The following MANSC1 variants were observed in gnomAD, a reference collection of about 807,000 sequenced individuals.
The protein encoded by MANSC1 is MANSC domain containing 1, also known as MANSC domain-containing protein 1.
Under a neutral mutation model 14.1 loss-of-function variants are expected in MANSC1, and 13 were observed. The observed-to-expected ratio is 0.92, with a 90% CI of 0.60 to 1.46. MANSC1 has a LOEUF of 1.46. Among genes scored for constraint, MANSC1 ranks in the 40% most tolerant of loss-of-function variants. MANSC1 has a pLI of 0.00. For synonymous variants in MANSC1, 227 were observed against 200.7 expected, an observed-to-expected ratio of 1.13 and a Z score of -1.11; for missense variants, 486 against 511.4, an observed-to-expected ratio of 0.95 and a Z score of 0.48.
At chr12:12,344,330 G>C (rs1592036889) in intron 1 of MANSC1, among the ~76,000 whole-genome samples, 1 of 152,112 alleles carries the variant, frequency 6.6e-6, no homozygotes, top group East Asian at 1.9e-4. Context: ...TGCCAAAGGA[G>C]ATTAACATTT....
intron 2 of MANSC1, chr12:12,338,819 T>G: frequency 1.9e-6 from 1 of 515,212 alleles, no homozygotes; most frequent in Non-Finnish European, 3.5e-6. Context: ...CCTCCTAAAG[T>G]CAAAGCCAAA....
intron 3 of MANSC1, among the ~76,000 whole-genome samples, chr12:12,331,746 C>G (rs565278321): frequency 4.7e-4 from 71 of 152,054 alleles, no homozygotes; most frequent in Non-Finnish European, 8.2e-4. Flanking sequence ...GTCTGGTCTC[C>G]GCTCTGAGCA....
At chr12:12,345,915 G>A (rs557112023) in intron 1 of MANSC1, among the ~76,000 whole-genome samples, 3 of 152,310 alleles carry the variant, frequency 2.0e-5, no homozygotes, top group Admixed American at 1.3e-4. Flanking sequence ...AGAAATCAAA[G>A]AGGAGCTAAT....
At chr12:12,344,825 G>A (rs1209923563) in intron 1 of MANSC1, among the ~76,000 whole-genome samples, 1 of 146,120 alleles carries the variant, frequency 6.8e-6, no homozygotes, top group African/African-American at 2.5e-5. Flanking sequence ...CAGACTCCAA[G>A]TTCTTCAGTT....
intron 2 of MANSC1, 166 bp from the exon 3 acceptor site, chr12:12,338,726 C>T (rs2135993130): frequency 3.1e-6 from 2 of 653,002 alleles, no homozygotes; most frequent in Non-Finnish European, 2.6e-6. Flanking sequence ...AGCTTAGTTG[C>T]TTAAGGCAAT....
At chr12:12,339,880 A>G (rs1862911963) in intron 2 of MANSC1, among the ~76,000 whole-genome samples, 1 of 151,876 alleles carries the variant, frequency 6.6e-6, no homozygotes, top group East Asian at 1.9e-4. Context: ...TGGAACAATC[A>G]TGGCTCACTT....
intron 1 of MANSC1, among the ~76,000 whole-genome samples, chr12:12,345,701 G>C (rs1036814537): frequency 2.6e-5 from 4 of 152,184 alleles, no homozygotes; most frequent in Non-Finnish European, 5.9e-5. Flanking sequence ...ATTGTTTGCT[G>C]AATGATAGCT....
chr12:12,347,171 A>C (rs1863019989), intron 1 of MANSC1, among the ~76,000 whole-genome samples: 1 of 152,174 alleles, frequency 6.6e-6, no homozygotes, highest in Admixed American at 6.5e-5. Context: ...TAACGACATA[A>C]TTATACAACT....
chr12:12,330,015 C>G lies in MANSC1; in HGVS notation c.*12G>C, dbSNP rs752025893. On this transcript the variant is annotated 3_prime_UTR_variant, in exon 4 of 4. Coordinates refer to ENST00000535902, the MANE Select transcript of MANSC1 (RefSeq NM_018050.4). ...GGTTACTAAATGAATTAAGAGACACCGAGTTCCATCCTTAGATGTCCACAT... is the reference window on the plus strand; with the variant it reads ...GGTTACTAAATGAATTAAGAGACACGGAGTTCCATCCTTAGATGTCCACAT... The G allele has an allele frequency of 2.5e-6, 4 of 1,604,898 alleles. No homozygotes were observed. The highest frequency in any genetic ancestry group is 3.4e-6 in the Non-Finnish European group (4 of 1,174,688).
intron 3 of MANSC1, among the ~76,000 whole-genome samples, chr12:12,336,797 T>C (rs1862864109): frequency 6.6e-6 from 1 of 152,190 alleles, no homozygotes; most frequent in South Asian, 2.1e-4. Flanking sequence ...GCTGGAATTA[T>C]AGGCATGAGC....
intron 3 of MANSC1, among the ~76,000 whole-genome samples, chr12:12,335,418 G>A (rs1214944844): frequency 1.3e-5 from 2 of 151,210 alleles, no homozygotes; most frequent in African/African-American, 2.4e-5. Context: ...TCAGCTCACT[G>A]CAACCTCTGC....
intron 2 of MANSC1, chr12:12,338,792 A>T: frequency 1.7e-6 from 1 of 573,916 alleles, no homozygotes; most frequent in Non-Finnish European, 3.1e-6. Flanking sequence ...CCGAAGGCGA[A>T]GAAGGAAGCT....
intron 1 of MANSC1, among the ~76,000 whole-genome samples, chr12:12,346,056 G>A (rs564775853): frequency 2.6e-5 from 4 of 152,274 alleles, no homozygotes; most frequent in African/African-American, 9.6e-5. Context: ...GGCAGATCAT[G>A]AGGTCAGGAG....
intron 3 of MANSC1, among the ~76,000 whole-genome samples, chr12:12,331,847 T>A (rs1011950971): frequency 6.6e-6 from 1 of 152,120 alleles, no homozygotes; most frequent in Admixed American, 6.6e-5. Flanking sequence ...AGGGAGGCTA[T>A]CTGGGAGATT....
rs182291655 is a variant in MANSC1, at chr12:12,347,461, T to C, written c.-101+2617A>G. Among the ~76,000 whole-genome samples, 250 of 152,330 alleles carry C rather than the reference T, an allele frequency of 1.6e-3. 3 individuals carry two copies. The highest frequency in any genetic ancestry group is 5.9e-3 in the African/African-American group (244 of 41,580). On this transcript the variant is annotated intron_variant, in intron 1 of 3. Transcript: ENST00000535902. The stretch of plus-strand genomic sequence containing the variant: ...CTGGCCCACTGCTCACCTCCTGCTG[T>C]GTGGCCCATTTCCTAATAGGTACTG...
Position 12,329,858 on chromosome 12 carries a change from C to T in MANSC1, c.*169G>A, listed in dbSNP as rs1862756803. 1.6e-6 allele frequency: 1 copy of T among 615,244 alleles called. No individual in the cohort carries two copies. 38.1% of individuals were successfully genotyped at this position (615,244 alleles called of 1,614,324 possible). On this transcript the variant is annotated 3_prime_UTR_variant, in exon 4 of 4. Transcript: ENST00000535902. Reference sequence around the variant, plus strand: ...CCGAGATCGTGCTACTGCACTCCAGCCTGGGCAACAAAGCAAGACTCTGTC... The same window carrying T: ...CCGAGATCGTGCTACTGCACTCCAGTCTGGGCAACAAAGCAAGACTCTGTC...
intron 1 of MANSC1, among the ~76,000 whole-genome samples, chr12:12,344,787 G>C (rs1862983906): frequency 1.3e-5 from 2 of 149,418 alleles, no homozygotes; most frequent in South Asian, 4.3e-4. Flanking sequence ...TCTTTCTCTT[G>C]AGCTGGATGC....
rs146329722 is a variant in MANSC1 at position 12,346,270 on chromosome 12, C to CAA, written c.-100-2858_-100-2857dup. 3.5e-3 allele frequency among the ~76,000 whole-genome samples: 500 copies of CAA among 143,570 alleles called. 4 individuals are homozygous for CAA. The highest frequency in any genetic ancestry group is 0.011 in the African/African-American group (446 of 39,362). 94.2% of individuals were successfully genotyped at this position (143,570 alleles called of 152,430 possible). A position where few individuals can be genotyped will look rare whatever the true frequency, so the allele number is the denominator to read the frequency against. ...TGGGCGACAGAGCGAGACTCCGTCT[C>CAA]AAAAAAAAAAAGGTATCAGTGCTTC... On this transcript the variant is annotated intron_variant, in intron 1 of 3. Coordinates refer to ENST00000535902, the MANE Select transcript of MANSC1 (RefSeq NM_018050.4).
intron 2 of MANSC1, among the ~76,000 whole-genome samples, chr12:12,341,482 A>G (rs1036718931): frequency 6.6e-6 from 1 of 152,192 alleles, no homozygotes; most frequent in Non-Finnish European, 1.5e-5. Flanking sequence ...CTCAATCTCC[A>G]GTCCCTCCCC....
Sources: gnomAD v4.1 joint callset for allele counts (sites outside exome capture counted in the v4.1 genomes callset) on GRCh38, gnomAD v4.1.1 for gene constraint, MANE v1.5 for transcripts, NCBI Gene and HGNC (gene_info 2026-07-23, HGNC 2026-07-21) for gene names.